Variants in PPEF1 observed in about 807,000 individuals in gnomAD.
The protein encoded by PPEF1 is protein phosphatase with EF-hand domain 1.
In PPEF1, 12 loss-of-function variants were observed where a neutral mutation model predicts 53.3. The ratio of observed to expected loss-of-function variants is 0.23; its 90% CI spans 0.14 to 0.36. PPEF1 has a LOEUF of 0.36. Ranked by LOEUF, PPEF1 falls within the 10% of genes least tolerant of loss-of-function variation. The probability of loss-of-function intolerance (pLI) is 1.00; values close to 1 mark genes in which losing one functional copy is unlikely to be tolerated. For missense variants in PPEF1, 334 were observed against 490.4 expected (o/e 0.68, Z 3.01); for synonymous variants, 165 against 176.7 (o/e 0.93, Z 0.52).
chrX:18,784,336 T>A (rs2046157655), intron 9 of PPEF1, among the ~76,000 whole-genome samples: 2 of 111,984 alleles, frequency 1.8e-5, no homozygotes, highest in South Asian at 7.4e-4. Flanking sequence ...TGAAAAATCC[T>A]GATTTTTAAA....
At position 18,749,242 on chromosome X, in the gene PPEF1, C is replaced by T. The variant is rs755370378; in HGVS notation, c.236-550C>T. Among the ~76,000 whole-genome samples, 10 of 111,392 alleles carry T rather than the reference C, an allele frequency of 9.0e-5. No individual in the cohort carries two copies. In the South Asian group the frequency reaches 3.7e-3, roughly 42 times the overall value. On this transcript the variant is annotated intron_variant, in intron 3 of 15. Coordinates refer to ENST00000470157, the MANE Select transcript of PPEF1 (RefSeq NM_001377996.1). ...CCTTTAACTTTATCTGCTTTGTTACCAAGAAAGAATGAAAATCATGTCAGA... is the reference window on the plus strand; with the variant it reads ...CCTTTAACTTTATCTGCTTTGTTACTAAGAAAGAATGAAAATCATGTCAGA...
chrX:18,766,707 A>T (rs2045781687), intron 6 of PPEF1, among the ~76,000 whole-genome samples: 1 of 111,980 alleles, frequency 8.9e-6, no homozygotes, highest in Admixed American at 9.5e-5. Flanking sequence ...CAGATTAGGG[A>T]GTGGGAGGTG....
chrX:18,790,920 C>T (rs902550304), intron 10 of PPEF1, among the ~76,000 whole-genome samples: 3 of 110,675 alleles, frequency 2.7e-5, no homozygotes, highest in Non-Finnish European at 5.7e-5. Flanking sequence ...ATCTGCCCGC[C>T]TCGGCCTCCC....
intron 3 of PPEF1, among the ~76,000 whole-genome samples, chrX:18,735,919 G>T (rs964562849): frequency 1.8e-5 from 2 of 111,326 alleles, no homozygotes; most frequent in Non-Finnish European, 1.9e-5. Flanking sequence ...TCATGATTTG[G>T]CTCTCTGTTT....
At chrX:18,750,938 A>G (rs1478712850) in intron 4 of PPEF1, among the ~76,000 whole-genome samples, 1 of 111,483 alleles carries the variant, frequency 9.0e-6, no homozygotes, top group African/African-American at 3.3e-5. Context: ...CCTAATGACT[A>G]ATGATGTTGA....
intron 1 of PPEF1, among the ~76,000 whole-genome samples, chrX:18,683,515 A>G (rs940834148): frequency 4.5e-5 from 5 of 111,846 alleles, no homozygotes; most frequent in African/African-American, 1.6e-4. Context: ...TACTATTATC[A>G]TAGTTTGCAG....
intron 10 of PPEF1, among the ~76,000 whole-genome samples, chrX:18,794,899 A>G (rs922989967): frequency 8.9e-6 from 1 of 112,519 alleles, no homozygotes; most frequent in African/African-American, 3.2e-5. Context: ...TCATGGCTCA[A>G]ATGCCACAGA....
At chrX:18,752,577 G>A (rs1399059184) in intron 4 of PPEF1, among the ~76,000 whole-genome samples, 2 of 111,122 alleles carry the variant, frequency 1.8e-5, no homozygotes, top group African/African-American at 3.3e-5. Context: ...GTTCCTCATC[G>A]TAGGGGGAAA....
intron 12 of PPEF1, among the ~76,000 whole-genome samples, chrX:18,817,067 C>CGTGTGTGTGT (rs1391352242): frequency 1.6e-3 from 77 of 49,148 alleles, no homozygotes; most frequent in African/African-American, 3.8e-3. Flanking sequence ...ATCATTTTGC[C>CGTGTGTGTGT]ATGTGTGTGT....
intron 2 of PPEF1, among the ~76,000 whole-genome samples, chrX:18,731,864 G>A (rs2044845045): frequency 8.9e-6 from 1 of 112,167 alleles, no homozygotes; most frequent in Admixed American, 9.5e-5. Context: ...TATAATATGT[G>A]GTCTTTGATG....
intron 9 of PPEF1, among the ~76,000 whole-genome samples, chrX:18,786,576 A>G (rs1216965302): frequency 1.8e-5 from 2 of 110,231 alleles, no homozygotes; most frequent in African/African-American, 6.6e-5. Context: ...TGAGGGTAGG[A>G]ATTCAAGACC....
At chrX:18,683,065 T>C (rs1228590394) in intron 1 of PPEF1, among the ~76,000 whole-genome samples, 2 of 111,350 alleles carry the variant, frequency 1.8e-5, no homozygotes, top group East Asian at 2.9e-4. Flanking sequence ...ATGAGACTTA[T>C]TCACTCTCAT....
chrX:18,731,099 TAGAA>T (rs778894023), intron 2 of PPEF1, among the ~76,000 whole-genome samples: 17 of 112,716 alleles, frequency 1.5e-4, no homozygotes, highest in African/African-American at 5.5e-4. Context: ...AAACAGATCT[TAGAA>T]AGATCTCCAA....
intron 6 of PPEF1, among the ~76,000 whole-genome samples, chrX:18,777,061 G>A (rs1028794964): frequency 1.8e-5 from 2 of 112,455 alleles, no homozygotes; most frequent in African/African-American, 6.5e-5. Flanking sequence ...CAAAATAGCC[G>A]TGTGTGGTAA....
At chrX:18,758,123 G>A (rs2045585861) in intron 5 of PPEF1, among the ~76,000 whole-genome samples, 1 of 111,824 alleles carries the variant, frequency 8.9e-6, no homozygotes, top group Non-Finnish European at 1.9e-5. Context: ...GCGGGGTGAA[G>A]ATTAAATTCT....
upstream of PPEF1, among the ~76,000 whole-genome samples, chrX:18,682,948 A>C (rs930135744): frequency 8.9e-6 from 1 of 111,871 alleles, no homozygotes; most frequent in Non-Finnish European, 1.9e-5. Context: ...AGGAGGCCTC[A>C]CAATCATGGC....
intron 3 of PPEF1, among the ~76,000 whole-genome samples, chrX:18,689,636 G>T (rs1468120347): frequency 9.1e-6 from 1 of 110,056 alleles, no homozygotes; most frequent in Non-Finnish European, 1.9e-5. Flanking sequence ...AAATCAGATT[G>T]GGATTCAGCA....
intron 10 of PPEF1, among the ~76,000 whole-genome samples, chrX:18,791,093 C>G (rs776478524): frequency 8.9e-5 from 10 of 112,350 alleles, no homozygotes; most frequent in Non-Finnish European, 1.5e-4. Flanking sequence ...ATTTCACAAT[C>G]TCTATGTTTA....
Position 18,778,991 on chromosome X carries a change from C to A in PPEF1, c.559-19C>A, listed in dbSNP as rs377131587. The stretch of plus-strand genomic sequence containing the variant: ...TATTCTTTTAATTCCTTGTTTTTTC[C>A]CTTCTCCTCCTTCCACAGAATGGTC... On this transcript the variant is annotated intron_variant, in intron 6 of 15. Transcript: ENST00000470157. The A allele has an allele frequency of 2.2e-4, 260 of 1,158,897 alleles. No homozygotes were observed. The highest frequency in any genetic ancestry group is 2.5e-4 in the Non-Finnish European group (216 of 858,173).
Sources: allele counts gnomAD v4.1 joint callset (sites outside exome capture counted in the v4.1 genomes callset), GRCh38; gene constraint gnomAD v4.1.1; transcripts MANE v1.5; gene names NCBI Gene and HGNC (gene_info 2026-07-23, HGNC 2026-07-21).